Variants in LRCH3 observed in about 807,000 individuals in gnomAD.
The protein encoded by LRCH3 is leucine rich repeats and calponin homology domain containing 3.
Under a neutral mutation model 104.5 loss-of-function variants are expected in LRCH3, and 68 were observed. That is an observed-to-expected ratio of 0.65 (90% CI 0.54 to 0.80). The LOEUF is 0.80. Ranked by LOEUF, LRCH3 falls within the 30% of genes least tolerant of loss-of-function variation. LRCH3 has a pLI of 0.00. For synonymous variants in LRCH3, 344 were observed against 361.3 expected (o/e 0.95, Z 0.54); for missense variants, 951 against 953.9 (o/e 1.00, Z 0.04).
At chr3:197,874,041 A>G (rs1170920775) in intron 19 of LRCH3, among the ~76,000 whole-genome samples, 1 of 151,568 alleles carries the variant, frequency 6.6e-6, no homozygotes, top group Non-Finnish European at 1.5e-5. Flanking sequence ...AAAAAAAAAA[A>G]AGACTGAAAG....
At chr3:197,844,194 A>C (rs1256378352) in intron 10 of LRCH3, among the ~76,000 whole-genome samples, 1 of 152,202 alleles carries the variant, frequency 6.6e-6, no homozygotes, top group Non-Finnish European at 1.5e-5. Context: ...CTGGGATGTG[A>C]GATGAGAGTT....
At chr3:197,858,011 A>T (rs1010866160) in intron 14 of LRCH3, among the ~76,000 whole-genome samples, 1 of 152,180 alleles carries the variant, frequency 6.6e-6, no homozygotes, top group African/African-American at 2.4e-5. Flanking sequence ...TTAAATTTTT[A>T]AAAATTACTT....
rs1580902194 is a variant in LRCH3 at position 197,875,954 on chromosome 3, G to C, written c.2208+179G>C. 7 of 442,442 alleles carry C rather than the reference G, an allele frequency of 1.6e-5. No homozygotes were observed. In the East Asian group the frequency reaches 2.4e-4, roughly 15 times the overall value. 27.4% of individuals were successfully genotyped at this position (442,442 alleles called of 1,614,324 possible). A position where few individuals can be genotyped will look rare whatever the true frequency, so the allele number is the denominator to read the frequency against. Reference sequence around the variant, plus strand: ...ACAGTTTTCCTTGATTATTTCCAAGGACCACACAAAGAAATTATAAATATA... The same window carrying C: ...ACAGTTTTCCTTGATTATTTCCAAGCACCACACAAAGAAATTATAAATATA... On this transcript the variant is annotated intron_variant, in intron 20 of 20. Transcript: ENST00000425562.
intron 20 of LRCH3, chr3:197,882,068 AACAC>A (rs1212443566): frequency 3.0e-5 from 30 of 985,440 alleles, no homozygotes; most frequent in Non-Finnish European, 3.5e-5. Context: ...CCTGTTAAAA[AACAC>A]ACACAGGCTC....
At chr3:197,816,476 C>T (rs1365390402) in intron 2 of LRCH3, among the ~76,000 whole-genome samples, 9 of 152,136 alleles carry the variant, frequency 5.9e-5, no homozygotes, top group Admixed American at 1.3e-4. Context: ...GACGGGGTTT[C>T]GCCATGTTGG....
chr3:197,840,685 G>A (rs1423084338), intron 10 of LRCH3, among the ~76,000 whole-genome samples: 1 of 152,030 alleles, frequency 6.6e-6, no homozygotes. Context: ...GGTAACTCGG[G>A]GGACTGAGCT....
intron 12 of LRCH3, among the ~76,000 whole-genome samples, chr3:197,852,171 A>G (rs771286655): frequency 1.3e-5 from 2 of 152,182 alleles, no homozygotes; most frequent in Non-Finnish European, 2.9e-5. Context: ...TTAGTATGGG[A>G]CATTGTGAGT....
chr3:197,819,334 CT>C (rs11318373), intron 3 of LRCH3, among the ~76,000 whole-genome samples: 118,408 of 147,064 alleles, frequency 0.81, 48,360 homozygotes, highest in East Asian at 0.99. Context: ...ATGCTTTCAA[CT>C]TTTTTTTTTT....
intron 1 of LRCH3, among the ~76,000 whole-genome samples, chr3:197,814,468 T>C (rs1037104628): frequency 1.4e-4 from 22 of 152,242 alleles, no homozygotes; most frequent in African/African-American, 5.1e-4. Flanking sequence ...ATTAGTTCTC[T>C]GTCATCTTTT....
chr3:197,823,032 C>T (rs1734671450), intron 4 of LRCH3: 2 of 121,708 alleles, frequency 1.6e-5, no homozygotes, highest in Admixed American at 8.8e-5. Context: ...CACTGTCGCC[C>T]TGGCTGGAGT....
intron 15 of LRCH3, among the ~76,000 whole-genome samples, chr3:197,863,418 G>A (rs1464511955): frequency 1.3e-5 from 2 of 151,966 alleles, no homozygotes; most frequent in African/African-American, 4.8e-5. Context: ...CCACCACCAT[G>A]CCCACCTAAT....
At chr3:197,879,160 G>C (rs1046057390) in intron 20 of LRCH3, among the ~76,000 whole-genome samples, 3 of 152,178 alleles carry the variant, frequency 2.0e-5, no homozygotes, top group African/African-American at 7.2e-5. Flanking sequence ...ACTTGTATCT[G>C]AGTCCAGTAT....
chr3:197,808,668 T>C lies in LRCH3; in HGVS notation c.263-6240T>C, dbSNP rs116750247. On this transcript the variant is annotated intron_variant, in intron 1 of 20. Transcript: ENST00000425562. The stretch of plus-strand genomic sequence containing the variant: ...GGCTCATGCCTGTAATTGAAACACT[T>C]TGGGAGGCCGAGATGAGCAGATCAC... 8.2e-3 allele frequency among the ~76,000 whole-genome samples: 1,253 copies of C among 152,236 alleles called. 14 individuals carry two copies. Among genetic ancestry groups the C allele is most frequent in the African/African-American group, 0.028 (1,181 of 41,552 alleles).
intron 15 of LRCH3, 82 bp downstream of exon 15, chr3:197,858,987 A>G: frequency 1.1e-6 from 1 of 947,782 alleles, no homozygotes; most frequent in East Asian, 2.4e-5. Context: ...GAATTGATCT[A>G]ACAATCTGAA....
chr3:197,795,980 C>T (rs956513942), intron 1 of LRCH3, among the ~76,000 whole-genome samples: 6 of 151,986 alleles, frequency 3.9e-5, no homozygotes, highest in East Asian at 3.8e-4. Context: ...TGTGACCCAC[C>T]GCACCCGGCC....
chr3:197,833,801 CTT>C (rs1330241989), intron 8 of LRCH3, among the ~76,000 whole-genome samples: 2 of 152,084 alleles, frequency 1.3e-5, no homozygotes, highest in Admixed American at 6.6e-5. Flanking sequence ...TTATTTTTCT[CTT>C]TGGCCACACT....
intron 1 of LRCH3, among the ~76,000 whole-genome samples, chr3:197,797,076 G>A (rs776874910): frequency 2.0e-5 from 3 of 151,330 alleles, no homozygotes; most frequent in East Asian, 3.9e-4. Flanking sequence ...GCCTGTAATC[G>A]CAGCACTTTG....
chr3:197,839,931 C>T (rs1737540219), intron 10 of LRCH3, among the ~76,000 whole-genome samples: 1 of 147,234 alleles, frequency 6.8e-6, no homozygotes, highest in Non-Finnish European at 1.5e-5. Flanking sequence ...CAGTTTGTGC[C>T]ATTGCAGTCC....
rs772757107 is a variant in LRCH3, at chr3:197,870,249, G to A, written c.1963G>A (p.Glu655Lys). 21 of 1,613,456 alleles carry A rather than the reference G, an allele frequency of 1.3e-5. No homozygotes were observed. The highest frequency in any genetic ancestry group is 1.7e-5 in the Non-Finnish European group (20 of 1,179,400). ...TGQNSRQREE[E>K]LELIDQLRKH... ...ACAGAATTCAAGACAGAGAGAAGAAGAGCTGGAATTAATAGACCAACTGCG... is the reference window on the plus strand; with the variant it reads ...ACAGAATTCAAGACAGAGAGAAGAAAAGCTGGAATTAATAGACCAACTGCG... The change falls in exon 18 of 21, where the codon GAG (glutamate) becomes AAG (lysine). Residue 655 changes from glutamate (E) to lysine (K), a missense_variant. Coordinates refer to ENST00000425562, the MANE Select transcript of LRCH3 (RefSeq NM_001365715.1).
Sources: gnomAD v4.1 joint callset for allele counts (sites outside exome capture counted in the v4.1 genomes callset) on GRCh38, gnomAD v4.1.1 for gene constraint, MANE v1.5 for transcripts, NCBI Gene and HGNC (gene_info 2026-07-23, HGNC 2026-07-21) for gene names.